Variants in FOXP2 observed in about 807,000 individuals in gnomAD.
FOXP2 encodes forkhead box P2.
In FOXP2, 12 loss-of-function variants were observed where a neutral mutation model predicts 115.8. The ratio of observed to expected loss-of-function variants is 0.10; its 90% CI spans 0.07 to 0.17. The LOEUF (loss-of-function observed/expected upper bound fraction) is 0.17, where lower values mean the gene tolerates loss of function less well. Among genes scored for constraint, FOXP2 ranks in the 10% least tolerant of loss-of-function variants. The pLI, the probability that FOXP2 is intolerant of heterozygous loss-of-function variation, is 1.00. For synonymous variants in FOXP2, 328 were observed against 297.7 expected (o/e 1.10, Z -1.05); for missense variants, 629 against 843.5 (o/e 0.75, Z 3.15).
chr7:114,504,876 A>T (rs187641186), intron 2 of FOXP2, among the ~76,000 whole-genome samples: 1 of 151,642 alleles, frequency 6.6e-6, no homozygotes, highest in African/African-American at 2.4e-5. Flanking sequence ...ATTAGATTTT[A>T]AAAATGCTCA....
At chr7:114,107,327 C>T (rs941920304) in intron 1 of FOXP2, among the ~76,000 whole-genome samples, 1 of 152,012 alleles carries the variant, frequency 6.6e-6, no homozygotes, top group Non-Finnish European at 1.5e-5. Flanking sequence ...CCATTTTATC[C>T]TATGAAGTGA....
At chr7:114,679,028 G>T (rs1297347650) in intron 16 of FOXP2, among the ~76,000 whole-genome samples, 1 of 152,036 alleles carries the variant, frequency 6.6e-6, no homozygotes, top group African/African-American at 2.4e-5. Context: ...TCAGTGATGC[G>T]ATCTCAGCTC....
intron 1 of FOXP2, among the ~76,000 whole-genome samples, chr7:114,268,721 T>C (rs1416353265): frequency 6.6e-6 from 1 of 151,934 alleles, no homozygotes; most frequent in Non-Finnish European, 1.5e-5. Context: ...TGTGTGTGTG[T>C]GTGTGTGTGT....
chr7:114,382,092 G>A (rs1792320005), intron 2 of FOXP2, among the ~76,000 whole-genome samples: 1 of 152,194 alleles, frequency 6.6e-6, no homozygotes. Context: ...AGAAAAGCAT[G>A]TGGAAGAGTA....
chr7:114,650,677 C>T (rs528533546), intron 8 of FOXP2, among the ~76,000 whole-genome samples: 1 of 152,118 alleles, frequency 6.6e-6, no homozygotes, highest in East Asian at 1.9e-4. Flanking sequence ...TAATCCTCCT[C>T]ACAGGTTCAC....
At position 114,447,720 on chromosome 7, in the gene FOXP2, A is replaced by C. The variant is rs190689039; in HGVS notation, c.168+21041A>C. Among the ~76,000 whole-genome samples the C allele has an allele frequency of 9.1e-3, 1,390 of 152,218 alleles. 91 individuals carry two copies. Among genetic ancestry groups the C allele is most frequent in the Admixed American group, 0.082 (1,246 of 15,268 alleles). ...AAGTCATTTCGGGGAGTCTCTATCT[A>C]CCTACCCCCGACCCATACACAAATG... On this transcript the variant is annotated intron_variant, in intron 2 of 16. Transcript: ENST00000350908.
intron 2 of FOXP2, among the ~76,000 whole-genome samples, chr7:114,519,234 G>T (rs1455166063): frequency 6.6e-6 from 1 of 152,148 alleles, no homozygotes; most frequent in South Asian, 2.1e-4. Context: ...ATTTGGTGTT[G>T]GCAGGGTAAG....
chr7:114,302,896 G>A (rs1174223206), intron 2 of FOXP2, among the ~76,000 whole-genome samples: 1 of 152,070 alleles, frequency 6.6e-6, no homozygotes, highest in Admixed American at 6.6e-5. Flanking sequence ...GAAAGAAAAT[G>A]GAGATTTCGG....
chr7:114,234,677 A>G (rs1303473216), intron 1 of FOXP2, among the ~76,000 whole-genome samples: 2 of 152,216 alleles, frequency 1.3e-5, no homozygotes, highest in East Asian at 1.9e-4. Flanking sequence ...ACAGTCCCAT[A>G]GCTAGTTAGT....
chr7:114,425,227 A>G (rs1793790571), intron 1 of FOXP2, among the ~76,000 whole-genome samples: 1 of 151,616 alleles, frequency 6.6e-6, no homozygotes, highest in South Asian at 2.1e-4. Flanking sequence ...CAAGTTTAAA[A>G]TATTGAAATC....
rs34273757 is a variant in FOXP2, at chr7:114,565,100, AT to A, written c.258+30406del. On this transcript the variant is annotated intron_variant, in intron 3 of 16. Coordinates refer to ENST00000350908, the MANE Select transcript of FOXP2 (RefSeq NM_014491.4). ...TGCCTTATTTTATTGTATGCAACCA[AT>A]TTTTTTTTTTTCTGAGAAGGCTATT... Among the ~76,000 whole-genome samples, 753 of 145,780 alleles carry A rather than the reference AT, an allele frequency of 5.2e-3. 4 individuals are homozygous for A. Among genetic ancestry groups the A allele is most frequent in the East Asian group, 0.023 (114 of 5,044 alleles).
At chr7:114,240,495 G>A (rs940068027) in intron 1 of FOXP2, among the ~76,000 whole-genome samples, 6 of 151,676 alleles carry the variant, frequency 4.0e-5, no homozygotes, top group African/African-American at 1.2e-4. Flanking sequence ...AAAATGCATC[G>A]TTTTGTTATA....
At chr7:114,465,914 C>T (rs1306785186) in intron 2 of FOXP2, among the ~76,000 whole-genome samples, 2 of 152,160 alleles carry the variant, frequency 1.3e-5, no homozygotes, top group East Asian at 1.9e-4. Flanking sequence ...TCACTCCCTT[C>T]CCTCCCATCT....
chr7:114,612,168 G>A (rs957890092), intron 3 of FOXP2, among the ~76,000 whole-genome samples: 3 of 151,900 alleles, frequency 2.0e-5, no homozygotes, highest in Non-Finnish European at 4.4e-5. Flanking sequence ...GGCCCCTTAG[G>A]AACTGAGTGT....
chr7:114,575,702 G>A (rs889837097), intron 3 of FOXP2, among the ~76,000 whole-genome samples: 35 of 151,864 alleles, frequency 2.3e-4, no homozygotes, highest in Admixed American at 3.3e-4. Flanking sequence ...TCCAGCTAAA[G>A]CACATGAAGA....
chr7:114,216,753 G>A (rs955259252), intron 1 of FOXP2, among the ~76,000 whole-genome samples: 13 of 151,816 alleles, frequency 8.6e-5, no homozygotes, highest in Non-Finnish European at 1.2e-4. Flanking sequence ...TCATTATTAC[G>A]AGATAAAATA....
intron 10 of FOXP2, 112 bp downstream of exon 10, chr7:114,654,121 A>G (rs987827090): frequency 6.3e-7 from 1 of 1,586,100 alleles, no homozygotes; most frequent in African/African-American, 1.3e-5. Context: ...AAAATACGGC[A>G]ATAAAATGAA....
At chr7:114,280,339 C>T (rs1796300844) in intron 1 of FOXP2, among the ~76,000 whole-genome samples, 2 of 151,968 alleles carry the variant, frequency 1.3e-5, no homozygotes, top group Non-Finnish European at 2.9e-5. Context: ...TTCCTCTTTC[C>T]AATTTTTCAT....
At chr7:114,619,497 T>C (rs1380736428) in intron 3 of FOXP2, among the ~76,000 whole-genome samples, 3 of 152,068 alleles carry the variant, frequency 2.0e-5, no homozygotes, top group Non-Finnish European at 2.9e-5. Flanking sequence ...AGGTACAATA[T>C]AAAAGAGAAT....
Sources: gnomAD v4.1 joint callset for allele counts (sites outside exome capture counted in the v4.1 genomes callset) on GRCh38, gnomAD v4.1.1 for gene constraint, MANE v1.5 for transcripts, NCBI Gene and HGNC (gene_info 2026-07-23, HGNC 2026-07-21) for gene names.